The following NKAPL variants were observed in gnomAD, a reference collection of about 807,000 sequenced individuals.
The protein encoded by NKAPL is NFKB activating protein like.
NKAPL carries 7 observed loss-of-function variants against 14.7 expected under a neutral mutation model. The observed-to-expected ratio is 0.48, with a 90% CI of 0.27 to 0.89. The LOEUF (loss-of-function observed/expected upper bound fraction) is 0.89. NKAPL is among the 40% of genes least tolerant of loss of function. NKAPL has a pLI of 0.12. For missense variants in NKAPL, 466 were observed against 494.1 expected (o/e 0.94, Z 0.54); for synonymous variants, 192 against 179.9 (o/e 1.07, Z -0.54).
rs1761329580 is a variant in NKAPL at position 28,260,697 on chromosome 6, G to C, written c.*117G>C. ...ATATTAGTAAGTCCCTCAGGAAAAA[G>C]CTTCTTTTGAGATATCTTTAGCAGC... On this transcript the variant is annotated 3_prime_UTR_variant, in exon 1 of 1. Transcript: ENST00000343684. 7.6e-7 allele frequency: 1 copy of C among 1,310,296 alleles called. No individual in the cohort carries two copies. Among genetic ancestry groups the C allele is most frequent in the Admixed American group, 2.9e-5 (1 of 34,670 alleles). The allele number at this position is 1,310,296 out of a possible 1,614,324, so 81.2% of individuals were successfully genotyped here. A position where few individuals can be genotyped will look rare whatever the true frequency, so the allele number is the denominator to read the frequency against.
chr6:28,260,097 G>C lies in NKAPL; in HGVS notation c.726G>C (p.Lys242Asn). 1 of 1,580,922 alleles carries C rather than the reference G, an allele frequency of 6.3e-7. No individual in the cohort carries two copies. The highest frequency in any genetic ancestry group is 8.5e-7 in the Non-Finnish European group (1 of 1,170,924). ...ACAAAACAAAGAAAAAGAAGAATAA[G>C]AAAACCAAAAAAGAATCCAGTGACT... is the stretch of plus-strand genomic sequence containing the variant. The part of the protein sequence containing the change: ...KKHKTKKKKN[K>N]KTKKESSDSS... Residue 242 changes from lysine to asparagine, a missense_variant, in exon 1 of 1, where the codon AAG becomes AAC. Physicochemically the swap from Lys to Asn is moderately conservative, Grantham distance 94. Transcript: ENST00000343684.
chr6:28,260,854 A>G lies in NKAPL; in HGVS notation c.*274A>G, dbSNP rs1761332480. The stretch of plus-strand genomic sequence containing the variant: ...CCCCTGACACCTTTCCCCCAAAAAT[A>G]TATATTTTGGTGTCTTATATACAGA... On this transcript the variant is annotated 3_prime_UTR_variant, in exon 1 of 1. Coordinates refer to ENST00000343684, the MANE Select transcript of NKAPL (RefSeq NM_001007531.3). 1 of 347,200 alleles carries G rather than the reference A, an allele frequency of 2.9e-6. No homozygotes were observed. Among genetic ancestry groups the G allele is most frequent in the Non-Finnish European group, 5.5e-6 (1 of 181,730 alleles). The allele number at this position is 347,200 out of a possible 1,614,324, so 21.5% of individuals were successfully genotyped here. A position where few individuals can be genotyped will look rare whatever the true frequency, so the allele number is the denominator to read the frequency against.
chr6:28,259,592 G>T lies in NKAPL; in HGVS notation c.221G>T (p.Arg74Leu), dbSNP rs767988218. 3 of 1,614,128 alleles carry T rather than the reference G, an allele frequency of 1.9e-6. No homozygotes were observed. The highest frequency in any genetic ancestry group is 3.3e-4 in the Middle Eastern group (2 of 6,062). ...TTTAGTCGCTCTGGGTCGCGAGGGCGGCTCCCAAGATTCCGCAACTACGCC... is the reference window on the plus strand; with the variant it reads ...TTTAGTCGCTCTGGGTCGCGAGGGCTGCTCCCAAGATTCCGCAACTACGCC... Reference protein sequence around the residue: ...YPFSRSGSRGRLPRFRNYAFA... With the variant: ...YPFSRSGSRGLLPRFRNYAFA... The change falls in exon 1 of 1, where the codon CGG becomes CTG. Residue 74 changes from arginine (R) to leucine (L), a missense_variant. Coordinates refer to ENST00000343684, the MANE Select transcript of NKAPL (RefSeq NM_001007531.3).
chr6:28,260,623 T>G lies in NKAPL; in HGVS notation c.*43T>G. 6.4e-7 allele frequency: 1 copy of G among 1,573,300 alleles called. No homozygotes were observed. The highest frequency in any genetic ancestry group is 1.2e-5 in the South Asian group (1 of 82,324). ...AGCAGGAATTTTAACAACAAAAATTTTATGTGACCAAAAGTGTTAAAAGGC... is the reference window on the plus strand; with the variant it reads ...AGCAGGAATTTTAACAACAAAAATTGTATGTGACCAAAAGTGTTAAAAGGC... On this transcript the variant is annotated 3_prime_UTR_variant, in exon 1 of 1. Transcript: ENST00000343684.
Position 28,259,424 on chromosome 6 carries a change from G to A in NKAPL, c.53G>A (p.Arg18Lys), listed in dbSNP as rs199512952. ...SYSEDIVGSR[R>K]RRRSSSGSPP... is the part of the protein sequence containing the mutation. ...TCCGAGGACATCGTGGGCTCTCGGA[G>A]AAGGCGACGCAGCTCCTCGGGGAGC... Residue 18 changes from arginine (R) to lysine (K), a missense_variant, in exon 1 of 1, where the codon AGA becomes AAA. By Grantham distance (26) the Arg-to-Lys change is conservative (BLOSUM62 2). Coordinates refer to ENST00000343684, the MANE Select transcript of NKAPL (RefSeq NM_001007531.3). 6.8e-5 allele frequency: 110 copies of A among 1,609,606 alleles called. No individual in the cohort carries two copies. The highest frequency in any genetic ancestry group is 5.9e-6 in the Non-Finnish European group (7 of 1,176,996).
chr6:28,259,437 C>G lies in NKAPL; in HGVS notation c.66C>G (p.Ser22Arg). 2 of 1,612,100 alleles carry G rather than the reference C, an allele frequency of 1.2e-6. No individual in the cohort carries two copies. The highest frequency in any genetic ancestry group is 1.1e-5 in the South Asian group (1 of 91,016). Residue 22 changes from serine (S) to arginine (R), a missense_variant, in exon 1 of 1, where the codon AGC becomes AGG. Ser to Arg is a moderately radical substitution (Grantham distance 110). Coordinates refer to ENST00000343684, the MANE Select transcript of NKAPL (RefSeq NM_001007531.3). Reference sequence around the variant, plus strand: ...TGGGCTCTCGGAGAAGGCGACGCAGCTCCTCGGGGAGCCCACCATCCCCGC... The same window carrying G: ...TGGGCTCTCGGAGAAGGCGACGCAGGTCCTCGGGGAGCCCACCATCCCCGC... ...DIVGSRRRRR[S>R]SSGSPPSPQS... is the part of the protein sequence containing the mutation.
At position 28,259,901 on chromosome 6, in the gene NKAPL, A is replaced by G. The variant is rs749966473; in HGVS notation, c.530A>G (p.Lys177Arg). The part of the protein sequence containing the change: ...SSDSNSEEHR[K>R]KKTSRSRNKK... ...GATTCCAACTCGGAAGAACATAGGA[A>G]AAAGAAGACCAGTCGTTCAAGAAAC... The change falls in exon 1 of 1, where the codon AAA becomes AGA. Residue 177 changes from lysine to arginine, a missense_variant. Lys to Arg is a conservative substitution (Grantham distance 26). Coordinates refer to ENST00000343684, the MANE Select transcript of NKAPL (RefSeq NM_001007531.3). 1 of 1,613,390 alleles carries G rather than the reference A, an allele frequency of 6.2e-7. No homozygotes were observed. Among genetic ancestry groups the G allele is most frequent in the East Asian group, 2.2e-5 (1 of 44,882 alleles).
At position 28,259,909 on chromosome 6, in the gene NKAPL, A is replaced by G. The variant is rs1157471671; in HGVS notation, c.538A>G (p.Thr180Ala). ...CTCGGAAGAACATAGGAAAAAGAAGACCAGTCGTTCAAGAAACAAGAAAAA... is the reference window on the plus strand; with the variant it reads ...CTCGGAAGAACATAGGAAAAAGAAGGCCAGTCGTTCAAGAAACAAGAAAAA... ...SNSEEHRKKK[T>A]SRSRNKKKRK... The change falls in exon 1 of 1, where the codon ACC becomes GCC. Residue 180 changes from threonine to alanine, a missense_variant. By Grantham distance (58) the Thr-to-Ala change is moderately conservative. Transcript: ENST00000343684. The G allele has an allele frequency of 3.5e-5, 57 of 1,612,040 alleles. No homozygotes were observed. The highest frequency in any genetic ancestry group is 4.6e-5 in the Non-Finnish European group (54 of 1,179,636).
Position 28,259,643 on chromosome 6 carries a change from A to G in NKAPL, c.272A>G (p.Tyr91Cys), listed in dbSNP as rs2113700421. Reference sequence around the variant, plus strand: ...TTCGCGTCCTCCTGGTCGACCTCGTATAGTGGATATCGCTACCATCGTCAC... The same window carrying G: ...TTCGCGTCCTCCTGGTCGACCTCGTGTAGTGGATATCGCTACCATCGTCAC... ...YAFASSWSTS[Y>C]SGYRYHRHCY... Residue 91 changes from tyrosine to cysteine, a missense_variant, in exon 1 of 1, where the codon TAT (tyrosine) becomes TGT (cysteine). Transcript: ENST00000343684. 5.6e-6 allele frequency: 9 copies of G among 1,614,256 alleles called. No homozygotes were observed. Among genetic ancestry groups the G allele is most frequent in the Middle Eastern group, 1.6e-4 (1 of 6,062 alleles).
chr6:28,260,700 T>G lies in NKAPL; in HGVS notation c.*120T>G, dbSNP rs919001818. ...TTAGTAAGTCCCTCAGGAAAAAGCT[T>G]CTTTTGAGATATCTTTAGCAGCTTA... On this transcript the variant is annotated 3_prime_UTR_variant, in exon 1 of 1. Coordinates refer to ENST00000343684, the MANE Select transcript of NKAPL (RefSeq NM_001007531.3). 1.2e-5 allele frequency: 15 copies of G among 1,227,032 alleles called. No individual in the cohort carries two copies. Among genetic ancestry groups the G allele is most frequent in the African/African-American group, 4.6e-5 (3 of 65,416 alleles). The allele number at this position is 1,227,032 out of a possible 1,614,324, so 76.0% of individuals were successfully genotyped here.
rs372800075 is a variant in NKAPL at position 28,259,464 on chromosome 6, G to A, written c.93G>A (p.Gln31=). 44 of 1,613,904 alleles carry A rather than the reference G, an allele frequency of 2.7e-5. No homozygotes were observed. The highest frequency in any genetic ancestry group is 3.5e-5 in the Non-Finnish European group (41 of 1,180,042). The change falls in exon 1 of 1, where the codon CAG becomes CAA. Residue 31 remains glutamine (Q), a synonymous_variant. Transcript: ENST00000343684. ...CCTCGGGGAGCCCACCATCCCCGCA[G>A]AGCAGATGTTCCTCTTGGGATGGCT... ...RSSSGSPPSP[Q]SRCSSWDGCS... is the part of the protein sequence containing the mutation.
Position 28,260,208 on chromosome 6 carries a change from G to C in NKAPL, c.837G>C (p.Gly279=). ...TGGCAGATACTATGGATTTAATAGG[G>C]CCAGAAGCACCTATAATACATACCT... The part of the protein sequence containing the change: ...PNVADTMDLI[G]PEAPIIHTSQ... Residue 279 remains glycine, a synonymous_variant, in exon 1 of 1, where the codon GGG becomes GGC. Transcript: ENST00000343684. 6.2e-7 allele frequency: 1 copy of C among 1,613,972 alleles called. No individual in the cohort carries two copies. The highest frequency in any genetic ancestry group is 8.5e-7 in the Non-Finnish European group (1 of 1,179,878).
At position 28,260,596 on chromosome 6, in the gene NKAPL, A is replaced by G. The variant is rs1761327203; in HGVS notation, c.*16A>G. The G allele has an allele frequency of 1.9e-6, 3 of 1,594,312 alleles. No homozygotes were observed. Among genetic ancestry groups the G allele is most frequent in the African/African-American group, 2.7e-5 (2 of 73,832 alleles). ...TGACAAGTAAGGACTTACTTGTTGC[A>G]CAGCAGGAATTTTAACAACAAAAAT... On this transcript the variant is annotated 3_prime_UTR_variant, in exon 1 of 1. Transcript: ENST00000343684.
At position 28,259,684 on chromosome 6, in the gene NKAPL, CG is replaced by C. The variant is rs765599156; in HGVS notation, c.315del (p.Gln106SerfsTer17). 23 of 1,614,066 alleles carry C rather than the reference CG, an allele frequency of 1.4e-5. No individual in the cohort carries two copies. The highest frequency in any genetic ancestry group is 1.9e-5 in the Non-Finnish European group (22 of 1,180,048). On this transcript the variant is annotated frameshift_variant, in exon 1 of 1. Coordinates refer to ENST00000343684, the MANE Select transcript of NKAPL (RefSeq NM_001007531.3). LOFTEE classifies it low-confidence loss of function (END_TRUNC). ...RYHRHCYAEE[R>X]QSAEDYEKEE... ...CCATCGTCACTGCTATGCAGAAGAACGGCAGTCAGCGGAAGACTACGAGAAG... is the reference window on the plus strand; with the variant it reads ...CCATCGTCACTGCTATGCAGAAGAACGCAGTCAGCGGAAGACTACGAGAAG...
In NKAPL at chr6:28,260,767, G is replaced by T; in HGVS notation, c.*187G>T. On this transcript the variant is annotated 3_prime_UTR_variant, in exon 1 of 1. Coordinates refer to ENST00000343684, the MANE Select transcript of NKAPL (RefSeq NM_001007531.3). ...CTTTAAAAAGTAATATGTGCACATG[G>T]TTTTAAAAATATTCAACCATTATAG... is the stretch of plus-strand genomic sequence containing the variant. The T allele has an allele frequency of 1.6e-6, 1 of 628,146 alleles. No homozygotes were observed. Among genetic ancestry groups the T allele is most frequent in the South Asian group, 2.8e-5 (1 of 35,216 alleles). 38.9% of individuals were successfully genotyped at this position (628,146 alleles called of 1,614,324 possible).
rs1002705275 is a variant in NKAPL at position 28,260,800 on chromosome 6, G to A, written c.*220G>A. 8.4e-6 allele frequency: 4 copies of A among 478,794 alleles called. No homozygotes were observed. The highest frequency in any genetic ancestry group is 1.1e-5 in the Non-Finnish European group (3 of 271,824). 29.7% of individuals were successfully genotyped at this position (478,794 alleles called of 1,614,324 possible). A position where few individuals can be genotyped will look rare whatever the true frequency, so the allele number is the denominator to read the frequency against. On this transcript the variant is annotated 3_prime_UTR_variant, in exon 1 of 1. Transcript: ENST00000343684. ...AATATTCAACCATTATAGGAGGAGA[G>A]TTAGTAAAAAGTGAATCTTTCACTT... is the stretch of plus-strand genomic sequence containing the variant.
Position 28,259,399 on chromosome 6 carries a change from T to C in NKAPL, c.28T>C (p.Ser10Pro). The change falls in exon 1 of 1, where the codon TCC (serine) becomes CCC (proline). Residue 10 changes from serine to proline, a missense_variant. By Grantham distance (74) the Ser-to-Pro change is moderately conservative (BLOSUM62 -1). Coordinates refer to ENST00000343684, the MANE Select transcript of NKAPL (RefSeq NM_001007531.3). ...GCCCCCAGTATCCCGGTCCAGCTATTCCGAGGACATCGTGGGCTCTCGGAG... is the reference window on the plus strand; with the variant it reads ...GCCCCCAGTATCCCGGTCCAGCTATCCCGAGGACATCGTGGGCTCTCGGAG... MPPVSRSSYSEDIVGSRRRR... is the reference protein window; with the variant it reads MPPVSRSSYPEDIVGSRRRR... 1.2e-6 allele frequency: 2 copies of C among 1,601,464 alleles called. No homozygotes were observed. Among genetic ancestry groups the C allele is most frequent in the Non-Finnish European group, 1.7e-6 (2 of 1,171,332 alleles).
chr6:28,260,365 G>T lies in NKAPL; in HGVS notation c.994G>T (p.Gly332Cys), dbSNP rs759110026. The stretch of plus-strand genomic sequence containing the variant: ...AATTGGGTTGACAAGTGAAGAGATC[G>T]GTTCTTTTGAATGCTCAGGTTATGT... ...GEIGLTSEEI[G>C]SFECSGYVMS... The change falls in exon 1 of 1, where the codon GGT becomes TGT. Residue 332 changes from glycine to cysteine, a missense_variant. By Grantham distance (159) the Gly-to-Cys change is radical. Transcript: ENST00000343684. 6 of 1,614,016 alleles carry T rather than the reference G, an allele frequency of 3.7e-6. No homozygotes were observed. The highest frequency in any genetic ancestry group is 5.1e-6 in the Non-Finnish European group (6 of 1,180,044).
rs749320139 is a variant in NKAPL, at chr6:28,260,048, A to G, written c.677A>G (p.Lys226Arg). 6.3e-7 allele frequency: 1 copy of G among 1,576,786 alleles called. No homozygotes were observed. The highest frequency in any genetic ancestry group is 8.5e-7 in the Non-Finnish European group (1 of 1,170,062). Residue 226 changes from lysine to arginine, a missense_variant, in exon 1 of 1, where the codon AAG becomes AGG. By Grantham distance (26) the Lys-to-Arg change is conservative. Coordinates refer to ENST00000343684, the MANE Select transcript of NKAPL (RefSeq NM_001007531.3). ...GATGATAAAAAGAGAGTTAAAGCCA[A>G]GAAGAAAAAGAAGAAAAAGAAACAC... is the stretch of plus-strand genomic sequence containing the variant. ...SDDDKKRVKA[K>R]KKKKKKKHKT...
Sources: allele counts gnomAD v4.1 joint callset, GRCh38; gene constraint gnomAD v4.1.1; transcripts MANE v1.5; gene names NCBI Gene and HGNC (gene_info 2026-07-23, HGNC 2026-07-21).